The following CNGB3 variants were observed in gnomAD, a reference collection of about 807,000 sequenced individuals.
The protein encoded by CNGB3 is cyclic nucleotide-gated channel beta-3.
A neutral mutation model predicts 92.8 loss-of-function variants in CNGB3; 86 were observed. That is an observed-to-expected ratio of 0.93 (90% CI 0.78 to 1.11). CNGB3 has a LOEUF of 1.11. Among genes scored for constraint, CNGB3 ranks in the 50% least tolerant of loss-of-function variants. CNGB3 has a pLI of 0.00. For synonymous variants in CNGB3, 333 were observed against 332.7 expected, an observed-to-expected ratio of 1.00 and a Z score of -0.01; for missense variants, 1,026 against 956.8, an observed-to-expected ratio of 1.07 and a Z score of -0.95.
At position 86,715,831 on chromosome 8, in the gene CNGB3, G is replaced by A. The variant is rs188478579; in HGVS notation, c.338+10700C>T. 2.5e-3 allele frequency among the ~76,000 whole-genome samples: 290 copies of A among 115,390 alleles called. 1 individual carries two copies. The highest frequency in any genetic ancestry group is 9.2e-3 in the African/African-American group (279 of 30,328). 75.7% of individuals were successfully genotyped at this position (115,390 alleles called of 152,430 possible). A position where few individuals can be genotyped will look rare whatever the true frequency, so the allele number is the denominator to read the frequency against. The stretch of plus-strand genomic sequence containing the variant: ...CACACACTGGGGCCTGTCGTGGGGT[G>A]GGGGGAGGGGGGAGGGATAGCATTA... On this transcript the variant is annotated intron_variant, in intron 3 of 17. Transcript: ENST00000320005.
intron 15 of CNGB3, among the ~76,000 whole-genome samples, chr8:86,590,240 T>G (rs373417272): frequency 3.3e-5 from 5 of 152,108 alleles, no homozygotes; most frequent in African/African-American, 1.2e-4. Context: ...TGTCTCTGCA[T>G]GTGAGATGGG....
intron 10 of CNGB3, among the ~76,000 whole-genome samples, chr8:86,642,593 G>A (rs981912086): frequency 2.6e-5 from 4 of 151,612 alleles, no homozygotes; most frequent in Admixed American, 1.3e-4. Context: ...GCAGTGAGTT[G>A]CCCTTCAAAG....
chr8:86,735,552 G>T (rs981351970), intron 2 of CNGB3, among the ~76,000 whole-genome samples: 1 of 152,126 alleles, frequency 6.6e-6, no homozygotes, highest in Admixed American at 6.5e-5. Context: ...CTCCAGGAGA[G>T]AATCCTTTCT....
At chr8:86,685,226 G>C (rs1824163544) in intron 3 of CNGB3, among the ~76,000 whole-genome samples, 1 of 152,016 alleles carries the variant, frequency 6.6e-6, no homozygotes, top group African/African-American at 2.4e-5. Flanking sequence ...TCACTAACCT[G>C]AGGGCAGGCT....
At chr8:86,690,103 G>A (rs1034888992) in intron 3 of CNGB3, among the ~76,000 whole-genome samples, 2 of 152,162 alleles carry the variant, frequency 1.3e-5, no homozygotes, top group Non-Finnish European at 1.5e-5. Context: ...GGGTCAAATG[G>A]TATTTCTAGT....
intron 3 of CNGB3, 53 bp downstream of exon 3, chr8:86,726,478 G>A (rs1259196251): frequency 6.2e-7 from 1 of 1,610,854 alleles, no homozygotes; most frequent in African/African-American, 1.3e-5. Flanking sequence ...AGCTCTTTAG[G>A]GCAGGCTGAG....
Position 86,624,804 on chromosome 8 carries a change from G to A in CNGB3, c.1578+1179C>T, listed in dbSNP as rs1161966500. Among the ~76,000 whole-genome samples, 9 of 152,228 alleles carry A rather than the reference G, an allele frequency of 5.9e-5. No homozygotes were observed. The East Asian group carries it at 1.2e-3, about 20-fold the overall frequency. ...CTGTGTCTCCACCAAATCTTTTGTC[G>A]AATTGCAATCCCCAATGTTGGACGT... On this transcript the variant is annotated intron_variant, in intron 13 of 17. Transcript: ENST00000320005.
intron 17 of CNGB3, among the ~76,000 whole-genome samples, chr8:86,577,110 A>G (rs929711330): frequency 6.1e-5 from 9 of 148,326 alleles, no homozygotes; most frequent in African/African-American, 2.3e-4. Flanking sequence ...ATGAGAATCA[A>G]AGAAATATGA....
intron 15 of CNGB3, among the ~76,000 whole-genome samples, chr8:86,586,780 A>G (rs28870433): frequency 0.64 from 86,506 of 135,838 alleles, 28,945 homozygotes; most frequent in Non-Finnish European, 0.76. Flanking sequence ...TATTGTGAAT[A>G]GTGCCGCAAT....
chr8:86,653,502 C>A (rs888651356), intron 7 of CNGB3, among the ~76,000 whole-genome samples: 3 of 152,074 alleles, frequency 2.0e-5, no homozygotes, highest in African/African-American at 7.2e-5. Context: ...AACCCCTGAC[C>A]TCTGCCTATT....
At chr8:86,659,071 G>A (rs1176444642) in intron 6 of CNGB3, 1 of 839,832 alleles carries the variant, frequency 1.2e-6, no homozygotes, top group Non-Finnish European at 2.0e-6. Flanking sequence ...CCTGCTGGGG[G>A]CTCCAGGAGC....
rs1396046210 is a variant in CNGB3 at position 86,574,972 on chromosome 8, A to G, written c.*832T>C. The G allele has an allele frequency of 6.6e-6, 1 of 152,216 alleles. No individual in the cohort carries two copies. The highest frequency in any genetic ancestry group is 1.5e-5 in the Non-Finnish European group (1 of 68,034). 9.4% of individuals were successfully genotyped at this position (152,216 alleles called of 1,614,324 possible). A position where few individuals can be genotyped will look rare whatever the true frequency, so the allele number is the denominator to read the frequency against. ...TTTAAACAAGAAGTTCCAATCTGAT[A>G]TCTTTTCCAGCAAGTGCTTGAGGAA... On this transcript the variant is annotated 3_prime_UTR_variant, in exon 18 of 18. Coordinates refer to ENST00000320005, the MANE Select transcript of CNGB3 (RefSeq NM_019098.5).
At chr8:86,742,113 G>A (rs1257530543) in intron 1 of CNGB3, among the ~76,000 whole-genome samples, 1 of 152,204 alleles carries the variant, frequency 6.6e-6, no homozygotes, top group Non-Finnish European at 1.5e-5. Context: ...TTGGCAAATA[G>A]TAATTGCTGT....
Position 86,643,879 on chromosome 8 carries a change from A to G in CNGB3, c.1056-6T>C, listed in dbSNP as rs1458634319. On this transcript the variant is annotated splice_region_variant and splice_polypyrimidine_tract_variant and intron_variant, in intron 9 of 17. Coordinates refer to ENST00000320005, the MANE Select transcript of CNGB3 (RefSeq NM_019098.5). The stretch of plus-strand genomic sequence containing the variant: ...ATCCAGTTGTTCGAATAACTCTGTC[A>G]GAGAGAATAGATGCAAAGTAAGATT... The G allele has an allele frequency of 6.2e-7, 1 of 1,603,716 alleles. No homozygotes were observed. The highest frequency in any genetic ancestry group is 8.5e-7 in the Non-Finnish European group (1 of 1,172,990).
At chr8:86,584,622 T>C (rs1162686127) in intron 15 of CNGB3, among the ~76,000 whole-genome samples, 2 of 152,002 alleles carry the variant, frequency 1.3e-5, no homozygotes, top group Admixed American at 6.6e-5. Flanking sequence ...ATTCCACCCA[T>C]GGAAAGTTTC....
chr8:86,669,049 A>G (rs1448179337), intron 4 of CNGB3, among the ~76,000 whole-genome samples: 1 of 152,110 alleles, frequency 6.6e-6, no homozygotes, highest in Non-Finnish European at 1.5e-5. Flanking sequence ...AAATAAATAT[A>G]TAAATAAAAT....
intron 13 of CNGB3, among the ~76,000 whole-genome samples, chr8:86,616,851 A>G (rs887108081): frequency 3.3e-4 from 50 of 152,204 alleles, no homozygotes; most frequent in African/African-American, 1.2e-3. Flanking sequence ...CACATGCGGT[A>G]GGTATTGGAG....
intron 13 of CNGB3, among the ~76,000 whole-genome samples, chr8:86,621,413 C>T (rs993974851): frequency 2.0e-4 from 31 of 151,916 alleles, no homozygotes; most frequent in African/African-American, 7.5e-4. Context: ...TTTATAATAC[C>T]TACTCTTATG....
chr8:86,658,026 C>T (rs541664811), intron 6 of CNGB3: 1 of 546,414 alleles, frequency 1.8e-6, no homozygotes, highest in African/African-American at 1.9e-5. Flanking sequence ...TCAGGTCCAC[C>T]TTCTCCTGCA....
Sources: allele counts gnomAD v4.1 joint callset (sites outside exome capture counted in the v4.1 genomes callset), GRCh38; gene constraint gnomAD v4.1.1; transcripts MANE v1.5; gene names NCBI Gene and HGNC (gene_info 2026-07-23, HGNC 2026-07-21).